The following EYS variants were observed in gnomAD, a reference collection of about 807,000 sequenced individuals.
EYS encodes protein eyes shut homolog.
EYS carries 250 observed loss-of-function variants against 282.1 expected under a neutral mutation model. That is an observed-to-expected ratio of 0.89 (90% CI 0.80 to 0.98). The LOEUF is 0.98. Among genes scored for constraint, EYS ranks in the 50% least tolerant of loss-of-function variants. EYS has a pLI of 0.00. For missense variants in EYS, 4,016 were observed against 3,709.0 expected (o/e 1.08, Z -2.15); for synonymous variants, 1,355 against 1,282.9 (o/e 1.06, Z -1.20).
chr6:64,503,863 C>T (rs1423909600), intron 26 of EYS, among the ~76,000 whole-genome samples: 1 of 152,140 alleles, frequency 6.6e-6, no homozygotes, highest in Non-Finnish European at 1.5e-5. Context: ...TTCTCCCTTG[C>T]TGTACTCATG....
chr6:64,937,069 T>A (rs892291195), intron 15 of EYS, among the ~76,000 whole-genome samples: 34 of 151,524 alleles, frequency 2.2e-4, no homozygotes, highest in Non-Finnish European at 7.4e-5. Context: ...TAAGAAATTA[T>A]CCTGAGACAA....
chr6:65,048,763 T>C (rs1480864228), intron 13 of EYS, among the ~76,000 whole-genome samples: 1 of 151,818 alleles, frequency 6.6e-6, no homozygotes, highest in African/African-American at 2.4e-5. Flanking sequence ...AACAATCCAT[T>C]TATCCGACCT....
intron 41 of EYS, among the ~76,000 whole-genome samples, chr6:63,760,343 A>G (rs561754250): frequency 6.6e-6 from 1 of 152,164 alleles, no homozygotes; most frequent in South Asian, 2.1e-4. Flanking sequence ...TATAACATAA[A>G]TGAGCAAATA....
intron 31 of EYS, among the ~76,000 whole-genome samples, chr6:64,161,636 C>A (rs896878038): frequency 6.6e-6 from 1 of 151,696 alleles, no homozygotes; most frequent in Non-Finnish European, 1.5e-5. Context: ...TAATGAGTCA[C>A]CGAAAGTGAA....
chr6:65,209,059 T>C (rs1309248636), intron 12 of EYS, among the ~76,000 whole-genome samples: 1 of 151,938 alleles, frequency 6.6e-6, no homozygotes, highest in Non-Finnish European at 1.5e-5. Context: ...TTTGATGTTA[T>C]TCCAGTGCCT....
At chr6:65,039,482 A>G (rs1772868144) in intron 13 of EYS, among the ~76,000 whole-genome samples, 3 of 151,408 alleles carry the variant, frequency 2.0e-5, no homozygotes, top group African/African-American at 7.3e-5. Context: ...ATACATTTCT[A>G]TATCTTAAAA....
At chr6:64,500,443 G>A (rs973333972) in intron 26 of EYS, among the ~76,000 whole-genome samples, 4 of 151,972 alleles carry the variant, frequency 2.6e-5, no homozygotes, top group Non-Finnish European at 5.9e-5. Flanking sequence ...ATATAAAGCT[G>A]CATTTAAGCT....
At chr6:65,586,410 T>C (rs757005352) in intron 2 of EYS, among the ~76,000 whole-genome samples, 4 of 152,070 alleles carry the variant, frequency 2.6e-5, no homozygotes, top group Non-Finnish European at 5.9e-5. Context: ...GGGGCAACTA[T>C]TGAGATGCTG....
chr6:64,396,338 A>G (rs1226433671), intron 28 of EYS, among the ~76,000 whole-genome samples: 1 of 152,098 alleles, frequency 6.6e-6, no homozygotes, highest in African/African-American at 2.4e-5. Flanking sequence ...AAAAGTACTT[A>G]GAGTTCTATG....
intron 41 of EYS, among the ~76,000 whole-genome samples, chr6:63,742,594 C>T (rs1488963054): frequency 6.6e-6 from 1 of 152,104 alleles, no homozygotes; most frequent in African/African-American, 2.4e-5. Flanking sequence ...TCTTCCTATG[C>T]CAATAATGCT....
At chr6:64,250,019 A>C (rs898814248) in intron 30 of EYS, among the ~76,000 whole-genome samples, 1 of 152,186 alleles carries the variant, frequency 6.6e-6, no homozygotes, top group Admixed American at 6.5e-5. Context: ...AGTGAATCTC[A>C]GGTTTTGAAT....
intron 12 of EYS, among the ~76,000 whole-genome samples, chr6:65,144,094 T>G (rs1764414994): frequency 6.6e-6 from 1 of 152,090 alleles, no homozygotes; most frequent in South Asian, 2.1e-4. Flanking sequence ...AAAATCACAC[T>G]CCTCTCAATG....
chr6:65,259,037 G>T (rs4142063), intron 12 of EYS, among the ~76,000 whole-genome samples: 36,112 of 151,776 alleles, frequency 0.24, 4,469 homozygotes, highest in Middle Eastern at 0.28. Flanking sequence ...CCAGATCTAC[G>T]CAAGATGATT....
intron 34 of EYS, among the ~76,000 whole-genome samples, chr6:63,994,707 T>C (rs1440580982): frequency 6.6e-6 from 1 of 152,004 alleles, no homozygotes; most frequent in Admixed American, 6.6e-5. Flanking sequence ...TGTTCAGCTC[T>C]ATGATAATAT....
chr6:63,809,072 A>G (rs898876270), intron 36 of EYS, among the ~76,000 whole-genome samples: 2 of 152,124 alleles, frequency 1.3e-5, no homozygotes, highest in African/African-American at 4.8e-5. Context: ...ACTTACTTCA[A>G]GGGGCTTTTT....
chr6:65,112,248 T>C (rs566659503), intron 12 of EYS, among the ~76,000 whole-genome samples: 25 of 152,282 alleles, frequency 1.6e-4, no homozygotes, highest in Admixed American at 1.4e-3. Context: ...ATATAATCTT[T>C]TAAATCATTT....
chr6:64,181,214 C>T lies in EYS; in HGVS notation c.6424+49378G>A, dbSNP rs149024727. The stretch of plus-strand genomic sequence containing the variant: ...TAATCAAAGACTGTACTCTATGATA[C>T]AGACAACATCCTCCACTGGACATTA... On this transcript the variant is annotated intron_variant, in intron 31 of 42. Transcript: ENST00000503581. Among the ~76,000 whole-genome samples, 908 of 152,182 alleles carry T rather than the reference C, an allele frequency of 6.0e-3. 1 individual carries two copies. The highest frequency in any genetic ancestry group is 0.021 in the African/African-American group (863 of 41,538).
intron 32 of EYS, among the ~76,000 whole-genome samples, chr6:64,069,214 T>G (rs1164534418): frequency 6.6e-6 from 1 of 152,134 alleles, no homozygotes; most frequent in African/African-American, 2.4e-5. Flanking sequence ...TTTCTATTGT[T>G]TTAATGGTAA....
At position 64,218,102 on chromosome 6, in the gene EYS, G is replaced by A. The variant is rs536089235; in HGVS notation, c.6424+12490C>T. 2.6e-5 allele frequency among the ~76,000 whole-genome samples: 4 copies of A among 152,166 alleles called. No homozygotes were observed. The East Asian group carries it at 5.8e-4, about 22-fold the overall frequency. ...TATCTAAGCCTCTGCATTAAGAGAG[G>A]ACCACAGTCTAGCATGATCTCTAGC... On this transcript the variant is annotated intron_variant, in intron 31 of 42. Coordinates refer to ENST00000503581, the MANE Select transcript of EYS (RefSeq NM_001142800.2).
Sources: allele counts gnomAD v4.1 joint callset (sites outside exome capture counted in the v4.1 genomes callset), GRCh38; gene constraint gnomAD v4.1.1; transcripts MANE v1.5; gene names NCBI Gene and HGNC (gene_info 2026-07-23, HGNC 2026-07-21).